ZFHX3: variants seen among roughly 807,000 people sequenced by gnomAD.
The protein encoded by ZFHX3 is zinc finger homeobox protein 3.
In ZFHX3, 42 loss-of-function variants were observed where a neutral mutation model predicts 279.1. The observed-to-expected ratio is 0.15, with a 90% CI of 0.12 to 0.19. The LOEUF is 0.19. Among genes scored for constraint, ZFHX3 ranks in the 10% least tolerant of loss-of-function variants. The probability of loss-of-function intolerance (pLI) is 1.00; values close to 1 mark genes in which losing one functional copy is unlikely to be tolerated. For missense variants in ZFHX3, 4,981 were observed against 4,754.0 expected (o/e 1.05, Z -1.40); for synonymous variants, 2,293 against 1,957.8 (o/e 1.17, Z -4.52).
At chr16:73,873,529 C>T (rs750737696) in intron 1 of ZFHX3, among the ~76,000 whole-genome samples, 1 of 152,118 alleles carries the variant, frequency 6.6e-6, no homozygotes, top group Non-Finnish European at 1.5e-5. Flanking sequence ...AGAAATGACA[C>T]ATTCCCTTAT....
At chr16:72,808,849 C>T (rs902666241) in intron 7 of ZFHX3, among the ~76,000 whole-genome samples, 12 of 152,246 alleles carry the variant, frequency 7.9e-5, no homozygotes, top group African/African-American at 2.2e-4. Flanking sequence ...AAATACTTGA[C>T]GGAGGGTCAG....
At chr16:73,081,705 G>T (rs1344432592) in intron 8 of ZFHX3, 1 of 152,170 alleles carries the variant, frequency 6.6e-6, no homozygotes, top group Non-Finnish European at 1.5e-5. Context: ...ATGCATTCTA[G>T]AATCTGTGGT....
chr16:73,376,074 T>G (rs1439427405), intron 3 of ZFHX3, among the ~76,000 whole-genome samples: 1 of 152,254 alleles, frequency 6.6e-6, no homozygotes. Context: ...CTTGCCATCA[T>G]GGCTATCCTG....
intron 1 of ZFHX3, among the ~76,000 whole-genome samples, chr16:73,802,876 G>A (rs1960181119): frequency 6.6e-6 from 1 of 152,152 alleles, no homozygotes; most frequent in South Asian, 2.1e-4. Flanking sequence ...AGAGTGCAAT[G>A]GCACAATCTC....
Position 72,800,053 on chromosome 16 carries a change from T to C in ZFHX3, c.3941A>G (p.Asn1314Ser), listed in dbSNP as rs1265145418. 3.1e-6 allele frequency: 5 copies of C among 1,614,016 alleles called. No individual in the cohort carries two copies. In the African/African-American group the frequency reaches 4.0e-5, roughly 13 times the overall value. ...AGGCTGCTTTCCTGCCTCTTCCAAA[T>C]TGGAATTCCCATCTCGATCTGGAAC... is the stretch of plus-strand genomic sequence containing the variant. The part of the protein sequence containing the change: ...AAVPDRDGNS[N>S]LEEAGKQPET... The change falls in exon 8 of 10, where the codon AAT becomes AGT. Residue 1314 changes from asparagine (N) to serine (S), a missense_variant. Physicochemically the swap from Asn to Ser is conservative, Grantham distance 46 (BLOSUM62 1). Around this residue, in one of 7 missense-constraint regions of ZFHX3, gnomAD observed 1,751 missense variants for 1,770.0 expected, o/e 0.99. Transcript: ENST00000268489.
chr16:73,339,706 T>C (rs2015992102), intron 3 of ZFHX3, among the ~76,000 whole-genome samples: 1 of 152,182 alleles, frequency 6.6e-6, no homozygotes, highest in Admixed American at 6.5e-5. Context: ...TGGTAATATT[T>C]ATCCTGGCAG....
chr16:73,311,429 T>C (rs2015322507), intron 4 of ZFHX3, among the ~76,000 whole-genome samples: 1 of 121,592 alleles, frequency 8.2e-6, no homozygotes, highest in South Asian at 2.9e-4. Flanking sequence ...ACCTTGTCTC[T>C]ACTAAAAATA....
intron 3 of ZFHX3, among the ~76,000 whole-genome samples, chr16:73,378,066 AAAAT>A (rs2016755368): frequency 7.0e-6 from 1 of 143,322 alleles, no homozygotes; most frequent in African/African-American, 2.7e-5. Flanking sequence ...AAAAAAAAAA[AAAAT>A]CTTATACACA....
At chr16:72,845,233 G>T (rs2037448799) in intron 4 of ZFHX3, among the ~76,000 whole-genome samples, 1 of 152,102 alleles carries the variant, frequency 6.6e-6, no homozygotes, top group Non-Finnish European at 1.5e-5. Context: ...AAGGAAAGAA[G>T]GGGAGATGCA....
intron 4 of ZFHX3, among the ~76,000 whole-genome samples, chr16:72,835,888 G>A (rs978642396): frequency 1.3e-5 from 2 of 152,106 alleles, no homozygotes; most frequent in African/African-American, 4.8e-5. Context: ...GTTATCAATG[G>A]GAAACCTCTA....
intron 5 of ZFHX3, among the ~76,000 whole-genome samples, chr16:73,186,245 C>A (rs949997681): frequency 6.6e-6 from 1 of 152,010 alleles, no homozygotes; most frequent in Admixed American, 6.6e-5. Flanking sequence ...GAAGCCATGC[C>A]CCCTCACCAT....
At chr16:73,536,006 GCCA>G (rs1567512677) in intron 2 of ZFHX3, among the ~76,000 whole-genome samples, 1 of 152,062 alleles carries the variant, frequency 6.6e-6, no homozygotes, top group African/African-American at 2.4e-5. Context: ...ACAGGTGTGA[GCCA>G]CCGCTCTCGG....
intron 3 of ZFHX3, among the ~76,000 whole-genome samples, chr16:73,368,885 C>T (rs879642286): frequency 6.6e-5 from 10 of 152,156 alleles, no homozygotes; most frequent in African/African-American, 1.9e-4. Flanking sequence ...AATTCAGAGA[C>T]GTCAAGTAAC....
intron 7 of ZFHX3, among the ~76,000 whole-genome samples, chr16:73,102,679 C>A (rs993944211): frequency 1.3e-5 from 2 of 152,060 alleles, no homozygotes; most frequent in African/African-American, 2.4e-5. Flanking sequence ...CACAAAAAAC[C>A]ACCATCTGGG....
intron 2 of ZFHX3, among the ~76,000 whole-genome samples, chr16:73,642,346 C>A (rs1317873597): frequency 6.6e-6 from 1 of 152,172 alleles, no homozygotes; most frequent in Non-Finnish European, 1.5e-5. Flanking sequence ...AGGCTCCTGA[C>A]TTCAGAGGAC....
At chr16:73,556,154 A>G (rs1464251097) in intron 2 of ZFHX3, among the ~76,000 whole-genome samples, 3 of 152,186 alleles carry the variant, frequency 2.0e-5, no homozygotes, top group African/African-American at 7.2e-5. Context: ...GAAAGCAACA[A>G]TGCATCAGTG....
At chr16:73,327,372 C>A (rs1789528711) in intron 3 of ZFHX3, among the ~76,000 whole-genome samples, 1 of 152,192 alleles carries the variant, frequency 6.6e-6, no homozygotes, top group Non-Finnish European at 1.5e-5. Flanking sequence ...CCTAAACCCA[C>A]TCCTACCCTT....
chr16:73,037,749 G>C (rs1164661821), intron 1 of ZFHX3, among the ~76,000 whole-genome samples: 1 of 152,132 alleles, frequency 6.6e-6, no homozygotes, highest in African/African-American at 2.4e-5. Flanking sequence ...AGCCCTTCGT[G>C]TGTTATAAAA....
chr16:73,014,873 C>T (rs1246555792), intron 1 of ZFHX3, among the ~76,000 whole-genome samples: 2 of 151,870 alleles, frequency 1.3e-5, no homozygotes, highest in Non-Finnish European at 2.9e-5. Flanking sequence ...GAAAGGGGGA[C>T]AGAACCACTG....
Sources: allele counts gnomAD v4.1 joint callset (sites outside exome capture counted in the v4.1 genomes callset), GRCh38; gene constraint gnomAD v4.1.1; regional missense constraint gnomAD v4.1.1; transcripts MANE v1.5; gene names NCBI Gene and HGNC (gene_info 2026-07-23, HGNC 2026-07-21).